Variants in LHX8 observed in about 807,000 individuals in gnomAD.
LHX8 encodes the protein LIM/homeobox protein Lhx8.
In LHX8, 12 loss-of-function variants were observed where a neutral mutation model predicts 40.3. The observed-to-expected ratio is 0.30, with a 90% CI of 0.19 to 0.48. The LOEUF is 0.48. Ranked by LOEUF, LHX8 falls within the 20% of genes least tolerant of loss-of-function variation. LHX8 has a pLI of 0.99. For missense variants in LHX8, 344 were observed against 433.7 expected, an observed-to-expected ratio of 0.79 and a Z score of 1.84; for synonymous variants, 179 against 162.0, an observed-to-expected ratio of 1.10 and a Z score of -0.80.
At chr1:75,193,497 A>G in the LHX8 span, among the ~76,000 whole-genome samples, 1 of 152,212 alleles carries the variant, frequency 6.6e-6, no homozygotes, top group Non-Finnish European at 1.5e-5. Flanking sequence ...CTGGTCCCCT[A>G]TCACACGTTG....
In LHX8 at chr1:75,134,539, CG is replaced by C. The variant is rs1648063749; in HGVS notation, c.-423del. On this transcript the variant is annotated 5_prime_UTR_variant, in exon 1 of 9. Coordinates refer to ENST00000356261, the MANE Select transcript of LHX8 (RefSeq NM_001256114.2). ...ATCAGCTTTTATTAGTGGATCGGGGCGGGGGAGGGGGGAGATCGGCAGACAC... is the reference window on the plus strand; with the variant it reads ...ATCAGCTTTTATTAGTGGATCGGGGCGGGGAGGGGGGAGATCGGCAGACAC... Among the ~76,000 whole-genome samples the C allele has an allele frequency of 1.1e-5, 1 of 88,740 alleles. No homozygotes were observed. Among genetic ancestry groups the C allele is most frequent in the Non-Finnish European group, 2.4e-5 (1 of 42,418 alleles). The allele number at this position is 88,740 out of a possible 152,430, so 58.2% of individuals were successfully genotyped here. A position where few individuals can be genotyped will look rare whatever the true frequency, so the allele number is the denominator to read the frequency against.
chr1:75,168,353 G>T, the LHX8 span, among the ~76,000 whole-genome samples: 4 of 152,124 alleles, frequency 2.6e-5, no homozygotes, highest in African/African-American at 4.8e-5. Flanking sequence ...CTCCCAAGTA[G>T]CTGGAATTAC....
At chr1:75,161,748 GA>G (rs1366584917), downstream of LHX8, among the ~76,000 whole-genome samples, 3 of 151,832 alleles carry the variant, frequency 2.0e-5, no homozygotes, top group African/African-American at 7.2e-5. Context: ...ATGTGAAAGA[GA>G]AGGCAGAACA....
the LHX8 span, among the ~76,000 whole-genome samples, chr1:75,185,482 G>A: frequency 6.6e-6 from 1 of 151,264 alleles, no homozygotes; most frequent in Admixed American, 6.6e-5. Flanking sequence ...CATCACATAA[G>A]CAGAACTGAA....
At chr1:75,187,807 A>G in the LHX8 span, among the ~76,000 whole-genome samples, 2 of 152,166 alleles carry the variant, frequency 1.3e-5, no homozygotes, top group African/African-American at 2.4e-5. Context: ...CCAGCAGAAA[A>G]GAAGCTGAAG....
chr1:75,149,947 G>C (rs1318063173), intron 7 of LHX8, among the ~76,000 whole-genome samples: 1 of 152,174 alleles, frequency 6.6e-6, no homozygotes, highest in African/African-American at 2.4e-5. Context: ...AGGAGTCAAA[G>C]AGTAAATGAC....
the LHX8 span, among the ~76,000 whole-genome samples, chr1:75,175,464 T>C: frequency 4.6e-5 from 7 of 152,100 alleles, no homozygotes; most frequent in Non-Finnish European, 7.4e-5. Context: ...TCCATGACAA[T>C]ATGTGTTTAT....
the LHX8 span, among the ~76,000 whole-genome samples, chr1:75,185,620 C>T: frequency 5.3e-5 from 8 of 152,134 alleles, no homozygotes; most frequent in Admixed American, 3.9e-4. Flanking sequence ...AAGTATTCCT[C>T]TTGAAAACCA....
intron 7 of LHX8, among the ~76,000 whole-genome samples, chr1:75,150,204 C>T (rs1202868525): frequency 6.6e-6 from 1 of 152,154 alleles, no homozygotes; most frequent in East Asian, 1.9e-4. Flanking sequence ...TACCACTGCA[C>T]TCCAGCCTGG....
the LHX8 span, among the ~76,000 whole-genome samples, chr1:75,176,443 T>C: frequency 6.6e-5 from 10 of 152,344 alleles, no homozygotes; most frequent in East Asian, 1.9e-4. Context: ...CATTTTTTCA[T>C]GTGTCTGTTG....
chr1:75,129,229 C>T (rs1356890457), intron 1 of LHX8, among the ~76,000 whole-genome samples: 1 of 152,122 alleles, frequency 6.6e-6, no homozygotes, highest in Non-Finnish European at 1.5e-5. Flanking sequence ...AACCTGTGCT[C>T]TTACTATAAT....
the LHX8 span, among the ~76,000 whole-genome samples, chr1:75,184,489 T>G: frequency 6.6e-6 from 1 of 152,072 alleles, no homozygotes; most frequent in African/African-American, 2.4e-5. Context: ...CACAATTACA[T>G]GAAAATTAAA....
chr1:75,170,963 A>G, the LHX8 span, among the ~76,000 whole-genome samples: 1 of 152,296 alleles, frequency 6.6e-6, no homozygotes, highest in African/African-American at 2.4e-5. Context: ...TTTACAGATG[A>G]TACAATTGAG....
the LHX8 span, among the ~76,000 whole-genome samples, chr1:75,180,001 A>C: frequency 1.3e-5 from 2 of 152,136 alleles, no homozygotes; most frequent in Non-Finnish European, 2.9e-5. Context: ...TGTCTTTAAG[A>C]ATGTTGAATA....
In LHX8 at chr1:75,161,016, A is replaced by G. The variant is rs867123738; in HGVS notation, c.*121A>G. 1.3e-6 allele frequency: 1 copy of G among 758,718 alleles called. No homozygotes were observed. Among genetic ancestry groups the G allele is most frequent in the South Asian group, 1.5e-5 (1 of 65,978 alleles). 47.0% of individuals were successfully genotyped at this position (758,718 alleles called of 1,614,324 possible). The stretch of plus-strand genomic sequence containing the variant: ...TAACACCTAAAGCATTTCCAACATC[A>G]CTTTGCTGCCCAGGTATGTATCTAT... On this transcript the variant is annotated 3_prime_UTR_variant, in exon 9 of 9. Transcript: ENST00000356261.
Position 75,137,088 on chromosome 1 carries a change from G to T in LHX8, c.76-12G>T, listed in dbSNP as rs1374543951. On this transcript the variant is annotated splice_polypyrimidine_tract_variant and intron_variant, in intron 2 of 8. Transcript: ENST00000356261. Reference sequence around the variant, plus strand: ...GGGTCTAGAACCGCCTGCGCCTCGCGGTTTCCTGCAGGTGAGCCCCGAGGG... The same window carrying T: ...GGGTCTAGAACCGCCTGCGCCTCGCTGTTTCCTGCAGGTGAGCCCCGAGGG... 6.3e-7 allele frequency: 1 copy of T among 1,597,034 alleles called. No individual in the cohort carries two copies. Among genetic ancestry groups the T allele is most frequent in the Non-Finnish European group, 8.6e-7 (1 of 1,169,276 alleles).
At chr1:75,142,472 A>G (rs1430409699) in intron 4 of LHX8, among the ~76,000 whole-genome samples, 2 of 152,086 alleles carry the variant, frequency 1.3e-5, no homozygotes, top group Non-Finnish European at 2.9e-5. Flanking sequence ...TCCAGTTAGG[A>G]CTCTGAAAAT....
chr1:75,183,187 CA>C, the LHX8 span: 4 of 152,136 alleles, frequency 2.6e-5, no homozygotes, highest in African/African-American at 9.7e-5. Flanking sequence ...AGGGCACAAA[CA>C]ACTTGAAAAC....
intron 7 of LHX8, 118 bp downstream of exon 7, chr1:75,148,800 C>G: frequency 1.4e-6 from 1 of 721,640 alleles, no homozygotes; most frequent in East Asian, 2.7e-5. Context: ...ACCTCAGCCT[C>G]CCAAAGTAAT....
Sources: allele counts gnomAD v4.1 joint callset (sites outside exome capture counted in the v4.1 genomes callset), GRCh38; gene constraint gnomAD v4.1.1; transcripts MANE v1.5; gene names NCBI Gene and HGNC (gene_info 2026-07-23, HGNC 2026-07-21).